FOXN2: variants seen among roughly 807,000 people sequenced by gnomAD.
The protein encoded by FOXN2 is forkhead box protein N2.
In FOXN2, 19 loss-of-function variants were observed where a neutral mutation model predicts 41.2. The observed-to-expected ratio is 0.46, with a 90% CI of 0.32 to 0.68. The LOEUF (loss-of-function observed/expected upper bound fraction) is 0.68, where lower values mean the gene tolerates loss of function less well. FOXN2 is among the 30% of genes least tolerant of loss of function. The pLI is 0.03. For missense variants in FOXN2, 587 were observed against 509.4 expected, an observed-to-expected ratio of 1.15 and a Z score of -1.47; for synonymous variants, 195 against 176.8, an observed-to-expected ratio of 1.10 and a Z score of -0.82.
rs910722859 is a variant in FOXN2 at position 48,322,357 on chromosome 2, G to A, written c.-156-6204G>A. 1.3e-4 allele frequency among the ~76,000 whole-genome samples: 20 copies of A among 152,216 alleles called. 1 individual carries two copies. The South Asian group carries it at 4.1e-3, about 32-fold the overall frequency. ...CCACACAAAACAAATGTGTAACTTA[G>A]TGAATTATAAGGCTAGCACCTGTGT... is the stretch of plus-strand genomic sequence containing the variant. On this transcript the variant is annotated intron_variant, in intron 1 of 6. Coordinates refer to ENST00000340553, the MANE Select transcript of FOXN2 (RefSeq NM_002158.4).
In FOXN2 at chr2:48,356,007, T is replaced by A. The variant is rs1452692785; in HGVS notation, c.538-3040T>A. 3.3e-5 allele frequency among the ~76,000 whole-genome samples: 5 copies of A among 152,214 alleles called. No homozygotes were observed. In the East Asian group the frequency reaches 9.7e-4, roughly 29 times the overall value. ...GCACAGTGGCACTTACACCTGTAAT[T>A]CCAGCACTCTGGTAGGTTGAGACAC... On this transcript the variant is annotated intron_variant, in intron 3 of 6. Transcript: ENST00000340553.
intron 3 of FOXN2, among the ~76,000 whole-genome samples, chr2:48,352,502 A>T (rs1399250318): frequency 6.6e-6 from 1 of 152,038 alleles, no homozygotes; most frequent in Non-Finnish European, 1.5e-5. Flanking sequence ...TTGATTTAGT[A>T]TTTTCTTAAT....
Position 48,346,145 on chromosome 2 carries a change from T to C in FOXN2, c.-14-56T>C, listed in dbSNP as rs192477235. 1.3e-3 allele frequency: 1,870 copies of C among 1,453,698 alleles called. 4 individuals are homozygous for C. Among genetic ancestry groups the C allele is most frequent in the Admixed American group, 2.3e-3 (100 of 42,806 alleles). 90.0% of individuals were successfully genotyped at this position (1,453,698 alleles called of 1,614,324 possible). A position where few individuals can be genotyped will look rare whatever the true frequency, so the allele number is the denominator to read the frequency against. On this transcript the variant is annotated intron_variant, in intron 2 of 6. Transcript: ENST00000340553. ...GGATATTTACATATGTATTTTCTTT[T>C]TCCCAGAGTTTAAGAATCTAAAGTA...
chr2:48,324,194 A>ATTTTT (rs11407371), intron 1 of FOXN2, among the ~76,000 whole-genome samples: 2,921 of 132,296 alleles, frequency 0.022, 86 homozygotes, highest in South Asian at 0.051. Context: ...TTGCTCAGTA[A>ATTTTT]TTTTTTTTTT....
At chr2:48,371,065 C>T (rs1045754293) in intron 5 of FOXN2, among the ~76,000 whole-genome samples, 1 of 152,096 alleles carries the variant, frequency 6.6e-6, no homozygotes, top group Non-Finnish European at 1.5e-5. Flanking sequence ...TGTCTTTCCC[C>T]CAGTTAGTAT....
At chr2:48,319,412 A>G (rs1277083595) in intron 1 of FOXN2, among the ~76,000 whole-genome samples, 2 of 152,104 alleles carry the variant, frequency 1.3e-5, no homozygotes, top group Non-Finnish European at 2.9e-5. Flanking sequence ...AATGTTTTTA[A>G]CCAAATAATA....
chr2:48,360,602 A>G (rs10495952), intron 4 of FOXN2, among the ~76,000 whole-genome samples: 17,409 of 152,192 alleles, frequency 0.11, 1,442 homozygotes, highest in East Asian at 0.45. Context: ...TTATAAAAAG[A>G]ATAACTGAGT....
intron 2 of FOXN2, among the ~76,000 whole-genome samples, chr2:48,332,527 C>G (rs1420741708): frequency 6.6e-6 from 1 of 152,126 alleles, no homozygotes. Context: ...ATTTGGCCAC[C>G]TCGTCAGTGG....
intron 2 of FOXN2, among the ~76,000 whole-genome samples, chr2:48,332,772 C>G (rs933712998): frequency 6.6e-6 from 1 of 151,932 alleles, no homozygotes; most frequent in Non-Finnish European, 1.5e-5. Flanking sequence ...TACTCTGTAC[C>G]TCTGTTCTAA....
chr2:48,315,815 C>T (rs1353451897), intron 1 of FOXN2, among the ~76,000 whole-genome samples: 1 of 152,216 alleles, frequency 6.6e-6, no homozygotes, highest in Non-Finnish European at 1.5e-5. Flanking sequence ...TCGCAGTGTT[C>T]TTGCACTGGA....
chr2:48,316,423 G>C (rs1668923341), intron 1 of FOXN2, among the ~76,000 whole-genome samples: 1 of 151,876 alleles, frequency 6.6e-6, no homozygotes, highest in Non-Finnish European at 1.5e-5. Context: ...TGCATTATCT[G>C]GATTTCTTTT....
intron 2 of FOXN2, among the ~76,000 whole-genome samples, chr2:48,335,005 A>G (rs1474191556): frequency 6.6e-6 from 1 of 152,224 alleles, no homozygotes. Flanking sequence ...TACTACTCCC[A>G]AGGGCCTGAT....
intron 3 of FOXN2, among the ~76,000 whole-genome samples, chr2:48,353,537 A>T (rs1025878350): frequency 6.7e-6 from 1 of 148,854 alleles, no homozygotes; most frequent in Non-Finnish European, 1.5e-5. Flanking sequence ...GCCTTAGTAG[A>T]ATAGTCACTT....
At chr2:48,330,930 T>C (rs1386247441) in intron 2 of FOXN2, among the ~76,000 whole-genome samples, 2 of 152,180 alleles carry the variant, frequency 1.3e-5, no homozygotes, top group African/African-American at 4.8e-5. Flanking sequence ...AATTATTCCT[T>C]GCTTAAAGCA....
intron 4 of FOXN2, 27 bp from the exon 5 acceptor site, chr2:48,362,616 A>C (rs1245844492): frequency 6.3e-7 from 1 of 1,596,034 alleles, no homozygotes; most frequent in Non-Finnish European, 8.6e-7. Flanking sequence ...TTTTATAAGC[A>C]TATTTGCTTT....
At chr2:48,326,568 A>T (rs1205505124) in intron 1 of FOXN2, among the ~76,000 whole-genome samples, 1 of 152,214 alleles carries the variant, frequency 6.6e-6, no homozygotes, top group Non-Finnish European at 1.5e-5. Flanking sequence ...TGTGCAGAAC[A>T]CACCATAGGG....
chr2:48,357,862 GAAAAAAAA>G lies in FOXN2; in HGVS notation c.538-1173_538-1166del, dbSNP rs200738115. On this transcript the variant is annotated intron_variant, in intron 3 of 6. Transcript: ENST00000340553. ...ACATTTGTAAAACTTGTCTTTTATT[GAAAAAAAA>G]AAAAAAAAAAAGAAAATGTCAAATA... Among the ~76,000 whole-genome samples, 11 of 113,728 alleles carry G rather than the reference GAAAAAAAA, an allele frequency of 9.7e-5. No individual in the cohort carries two copies. The South Asian group carries it at 1.4e-3, about 14-fold the overall frequency. 74.6% of individuals were successfully genotyped at this position (113,728 alleles called of 152,430 possible).
At chr2:48,328,873 T>C (rs1384855235) in intron 2 of FOXN2, among the ~76,000 whole-genome samples, 171 bp downstream of exon 2, 1 of 152,220 alleles carries the variant, frequency 6.6e-6, no homozygotes, top group Non-Finnish European at 1.5e-5. Flanking sequence ...TAGTGGTTCT[T>C]TTCTATTGTA....
rs11407371 is a variant in FOXN2 at position 48,324,194 on chromosome 2, A to ATTTTTTT, written c.-156-4355_-156-4349dup. ...TACGTGAATGACAAATTGCTCAGTA[A>ATTTTTTT]TTTTTTTTTTTTTTTTTTGTGACAG... On this transcript the variant is annotated intron_variant, in intron 1 of 6. Transcript: ENST00000340553. Among the ~76,000 whole-genome samples, 70 of 132,352 alleles carry ATTTTTTT rather than the reference A, an allele frequency of 5.3e-4. 2 individuals are homozygous for ATTTTTTT. The highest frequency in any genetic ancestry group is 7.2e-4 in the South Asian group (3 of 4,160). 86.8% of individuals were successfully genotyped at this position (132,352 alleles called of 152,430 possible). A position where few individuals can be genotyped will look rare whatever the true frequency, so the allele number is the denominator to read the frequency against.
Sources: gnomAD v4.1 joint callset for allele counts (sites outside exome capture counted in the v4.1 genomes callset) on GRCh38, gnomAD v4.1.1 for gene constraint, MANE v1.5 for transcripts, NCBI Gene and HGNC (gene_info 2026-07-23, HGNC 2026-07-21) for gene names.